The following PRKD2 variants were observed in gnomAD, a reference collection of about 807,000 sequenced individuals.
PRKD2 encodes the protein protein kinase D2.
A neutral mutation model predicts 86.0 loss-of-function variants in PRKD2; 22 were observed. The observed-to-expected ratio is 0.26, with a 90% CI of 0.18 to 0.37. The LOEUF is 0.37. Ranked by LOEUF, PRKD2 falls within the 10% of genes least tolerant of loss-of-function variation. PRKD2 has a pLI of 1.00. For synonymous variants in PRKD2, 509 were observed against 510.9 expected (o/e 1.00, Z 0.05); for missense variants, 818 against 1,199.2 (o/e 0.68, Z 4.70).
At chr19:46,713,788 C>G in intron 2 of PRKD2, 75 bp downstream of exon 2, 6 of 1,250,818 alleles carry the variant, frequency 4.8e-6, no homozygotes, top group Non-Finnish European at 6.5e-6. Context: ...ACTTCTAACT[C>G]CCCCTACCCT....
intron 9 of PRKD2, among the ~76,000 whole-genome samples, chr19:46,696,472 T>C (rs1001778783): frequency 4.6e-5 from 7 of 151,584 alleles, no homozygotes; most frequent in South Asian, 4.2e-4. Flanking sequence ...TATAAAGAAA[T>C]AGTGAGGCCG....
chr19:46,697,316 G>A, intron 8 of PRKD2, 82 bp from the exon 9 acceptor site: 1 of 1,070,942 alleles, frequency 9.3e-7, no homozygotes, highest in East Asian at 2.4e-5. Context: ...TGGGGCTCCA[G>A]GTGCCTGGAG....
At chr19:46,695,519 G>A (rs1490315401) in intron 9 of PRKD2, among the ~76,000 whole-genome samples, 1 of 147,428 alleles carries the variant, frequency 6.8e-6, no homozygotes, top group Non-Finnish European at 1.5e-5. Context: ...AGGAAATGAG[G>A]CCACACAGGG....
Position 46,693,267 on chromosome 19 carries a change from G to A in PRKD2, c.1576+608C>T, listed in dbSNP as rs1191166244. On this transcript the variant is annotated intron_variant, in intron 10 of 17. Coordinates refer to ENST00000291281, the MANE Select transcript of PRKD2 (RefSeq NM_016457.5). This position sits in a 1 kb window ranked among gnomAD's most constrained non-coding sequence, Gnocchi z 4.5. ...TGGACTCTGAGCCCCATGAGGGCAG[G>A]TCTTGGGCTGTCCTGGCCACCACTG... Among the ~76,000 whole-genome samples the A allele has an allele frequency of 5.3e-5, 8 of 152,298 alleles. No homozygotes were observed. Among genetic ancestry groups the A allele is most frequent in the Admixed American group, 3.9e-4 (6 of 15,298 alleles).
At chr19:46,715,489 G>A (rs1349236298) in intron 1 of PRKD2, among the ~76,000 whole-genome samples, 1 of 152,182 alleles carries the variant, frequency 6.6e-6, no homozygotes, top group Non-Finnish European at 1.5e-5. Flanking sequence ...CGGTTTAGAC[G>A]TGGAGTTCCA....
chr19:46,684,687 G>A (rs113605715), intron 14 of PRKD2, among the ~76,000 whole-genome samples: 5,373 of 152,204 alleles, frequency 0.035, 253 homozygotes, highest in African/African-American at 0.092. Flanking sequence ...AGGTTAGGCC[G>A]GGCACGGTGG....
At position 46,716,269 on chromosome 19, in the gene PRKD2, T is replaced by C. The variant is rs200105041; in HGVS notation, c.102A>G (p.Leu34=). Residue 34 remains leucine, a synonymous_variant, in exon 1 of 18, where the codon CTA becomes CTG. Transcript: ENST00000291281. This position sits in a 1 kb window ranked among gnomAD's most constrained non-coding sequence, Gnocchi z 7.9. ...GGLELQSPPP[L]LPQIPAPGSG... ...AACCCGGGGCCGGGATCTGGGGCAG[T>C]AGCGGTGGCGGCGACTGCAGCTCTA... is the stretch of plus-strand genomic sequence containing the variant. 1.6e-4 allele frequency: 250 copies of C among 1,590,380 alleles called. No individual in the cohort carries two copies. In the African/African-American group the frequency reaches 2.9e-3, roughly 18 times the overall value.
chr19:46,680,371 T>G (rs1489473103), intron 15 of PRKD2, among the ~76,000 whole-genome samples: 1 of 151,432 alleles, frequency 6.6e-6, no homozygotes, highest in Non-Finnish European at 1.5e-5. Context: ...CACCGCAACC[T>G]CCACCCTCCT....
chr19:46,687,530 T>C (rs1300852050), intron 14 of PRKD2, among the ~76,000 whole-genome samples: 3 of 152,228 alleles, frequency 2.0e-5, no homozygotes, highest in Non-Finnish European at 4.4e-5. Flanking sequence ...AGATATTTGA[T>C]GTCTCTGACC....
intron 14 of PRKD2, among the ~76,000 whole-genome samples, chr19:46,687,429 T>C (rs2053418027): frequency 2.4e-5 from 3 of 122,480 alleles, no homozygotes; most frequent in Admixed American, 8.4e-5. Flanking sequence ...ACAAGGAAAA[T>C]CTGTTTGAAT....
In PRKD2 at chr19:46,691,809, T is replaced by TA. The variant is rs781370919; in HGVS notation, c.1630-3dup. 1 of 1,613,962 alleles carries TA rather than the reference T, an allele frequency of 6.2e-7. No homozygotes were observed. The highest frequency in any genetic ancestry group is 1.3e-5 in the African/African-American group (1 of 75,004). On this transcript the variant is annotated splice_polypyrimidine_tract_variant and splice_region_variant and intron_variant, in intron 11 of 17. Coordinates refer to ENST00000291281, the MANE Select transcript of PRKD2 (RefSeq NM_016457.5). ...GATCTGGTAGACAGTGGCAATGTCC[T>TA]ACAGGGTGAAGACAGGGCAGGTCAG... is the stretch of plus-strand genomic sequence containing the variant.
intron 1 of PRKD2, among the ~76,000 whole-genome samples, chr19:46,715,480 G>A (rs757621388): frequency 2.0e-5 from 3 of 152,172 alleles, no homozygotes; most frequent in African/African-American, 4.8e-5. Flanking sequence ...AACATTTCAC[G>A]GTTTAGACGT....
chr19:46,696,104 G>C (rs939347796), intron 9 of PRKD2, among the ~76,000 whole-genome samples: 3 of 152,190 alleles, frequency 2.0e-5, no homozygotes, highest in African/African-American at 7.2e-5. Flanking sequence ...CTCTGAAAGC[G>C]CTGGGATTAC....
At position 46,678,266 on chromosome 19, in the gene PRKD2, G is replaced by C; in HGVS notation, c.2338+130C>G. 2 of 1,388,288 alleles carry C rather than the reference G, an allele frequency of 1.4e-6. No individual in the cohort carries two copies. The highest frequency in any genetic ancestry group is 2.8e-5 in the South Asian group (2 of 71,714). 86.0% of individuals were successfully genotyped at this position (1,388,288 alleles called of 1,614,324 possible). ...GTAGCCACATCCCTCCAGTAGGCCC[G>C]CCCCAGCACTGGGCTCCACCCCCAA... is the stretch of plus-strand genomic sequence containing the variant. On this transcript the variant is annotated intron_variant, in intron 16 of 17. Coordinates refer to ENST00000291281, the MANE Select transcript of PRKD2 (RefSeq NM_016457.5). The surrounding 1 kb of genome is among the most constrained non-coding windows in gnomAD (Gnocchi z 5.7).
chr19:46,679,656 G>A (rs1001829318), intron 15 of PRKD2, among the ~76,000 whole-genome samples: 1 of 151,988 alleles, frequency 6.6e-6, no homozygotes, highest in African/African-American at 2.4e-5. Context: ...ACGGAGTCTC[G>A]CTCTGTCGCC....
Position 46,716,092 on chromosome 19 carries a change from CCT to C in PRKD2, c.240+37_240+38del. 1 of 1,601,682 alleles carries C rather than the reference CCT, an allele frequency of 6.2e-7. No individual in the cohort carries two copies. The highest frequency in any genetic ancestry group is 8.5e-7 in the Non-Finnish European group (1 of 1,174,860). ...CCTCTGCCAGCGCCCCCTCCTTCAA[CCT>C]CTCCCCGAGCTGGATCCAGGGAGCC... On this transcript the variant is annotated intron_variant, in intron 1 of 17. Coordinates refer to ENST00000291281, the MANE Select transcript of PRKD2 (RefSeq NM_016457.5). This position sits in a 1 kb window ranked among gnomAD's most constrained non-coding sequence, Gnocchi z 7.9.
intron 5 of PRKD2, among the ~76,000 whole-genome samples, chr19:46,703,080 G>A (rs1248231740): frequency 6.6e-6 from 1 of 152,086 alleles, no homozygotes; most frequent in African/African-American, 2.4e-5. Context: ...GATTCTAGAC[G>A]TCTAAGACTC....
intron 8 of PRKD2, 82 bp from the exon 9 acceptor site, chr19:46,697,316 G>C: frequency 3.7e-6 from 4 of 1,070,924 alleles, no homozygotes; most frequent in Non-Finnish European, 5.6e-6. Flanking sequence ...TGGGGCTCCA[G>C]GTGCCTGGAG....
chr19:46,705,798 AAG>A (rs1491087164), intron 3 of PRKD2, among the ~76,000 whole-genome samples: 6 of 151,318 alleles, frequency 4.0e-5, no homozygotes, highest in Admixed American at 3.3e-4. Context: ...AAAAAAAAAA[AAG>A]AGTTCTCAGT....
Sources: gnomAD v4.1 joint callset for allele counts (sites outside exome capture counted in the v4.1 genomes callset) on GRCh38, gnomAD v4.1.1 for gene constraint, Gnocchi (gnomAD v3.1) non-coding constraint, MANE v1.5 for transcripts, NCBI Gene and HGNC (gene_info 2026-07-23, HGNC 2026-07-21) for gene names.